Variants in ADARB1 observed in about 807,000 individuals in gnomAD.
The protein encoded by ADARB1 is double-stranded RNA-specific editase 1.
Under a neutral mutation model 52.4 loss-of-function variants are expected in ADARB1, and 10 were observed. That is an observed-to-expected ratio of 0.19 (90% CI 0.12 to 0.32). The LOEUF is 0.32. ADARB1 is among the 10% of genes least tolerant of loss of function. The pLI is 1.00. For synonymous variants in ADARB1, 349 were observed against 371.1 expected (o/e 0.94, Z 0.68); for missense variants, 643 against 922.3 (o/e 0.70, Z 3.92).
chr21:45,196,424 A>C (rs2092427452), intron 8 of ADARB1, among the ~76,000 whole-genome samples: 1 of 152,240 alleles, frequency 6.6e-6, no homozygotes, highest in African/African-American at 2.4e-5. Flanking sequence ...AACAGGAGAT[A>C]ATGTTTGTGA....
At chr21:45,136,575 G>A (rs1376028641) in intron 2 of ADARB1, among the ~76,000 whole-genome samples, 2 of 152,246 alleles carry the variant, frequency 1.3e-5, no homozygotes, top group Non-Finnish European at 2.9e-5. Context: ...AGCCCCTGTG[G>A]GGAGGCACTG....
intron 1 of ADARB1, among the ~76,000 whole-genome samples, chr21:45,104,026 T>A (rs2087139969): frequency 6.6e-6 from 1 of 152,174 alleles, no homozygotes; most frequent in African/African-American, 2.4e-5. Context: ...CAGGGGTCAG[T>A]GACGGTTGAT....
At chr21:45,121,139 G>A (rs2088156491) in intron 1 of ADARB1, among the ~76,000 whole-genome samples, 1 of 152,090 alleles carries the variant, frequency 6.6e-6, no homozygotes, top group Non-Finnish European at 1.5e-5. Flanking sequence ...AACGAGTGGG[G>A]GATGTTCCCT....
chr21:45,201,891 A>C (rs923060524), intron 8 of ADARB1, among the ~76,000 whole-genome samples: 14 of 152,048 alleles, frequency 9.2e-5, no homozygotes, highest in African/African-American at 2.9e-4. Flanking sequence ...ACAGGGACCT[A>C]AAGTGGGGGC....
intron 9 of ADARB1, among the ~76,000 whole-genome samples, chr21:45,219,608 A>C (rs896463325): frequency 1.3e-5 from 2 of 152,124 alleles, no homozygotes; most frequent in African/African-American, 4.8e-5. Flanking sequence ...TTCCTTAAGC[A>C]TGCCCCTTAA....
intron 2 of ADARB1, among the ~76,000 whole-genome samples, chr21:45,139,626 C>T (rs761676359): frequency 6.6e-6 from 1 of 152,160 alleles, no homozygotes; most frequent in Non-Finnish European, 1.5e-5. Context: ...GCCTGTCGGG[C>T]GCAGCGAGCG....
chr21:45,141,195 CA>C (rs945797983), intron 2 of ADARB1, among the ~76,000 whole-genome samples: 5 of 147,496 alleles, frequency 3.4e-5, no homozygotes, highest in East Asian at 2.0e-4. Flanking sequence ...GACCCTGTCT[CA>C]AAAAAAAAAG....
In ADARB1 at chr21:45,176,285, A is replaced by G. The variant is rs769409236; in HGVS notation, c.584A>G (p.Asn195Ser). 9.3e-6 allele frequency: 15 copies of G among 1,614,070 alleles called. No homozygotes were observed. The South Asian group carries it at 9.9e-5, about 11-fold the overall frequency. ...KAEPPFYVGSNGDDSFSSSGD... is the reference protein window; with the variant it reads ...KAEPPFYVGSSGDDSFSSSGD... Reference sequence around the variant, plus strand: ...GAGCCTCCCTTTTACGTGGGCTCCAATGGGGATGACTCCTTCAGTTCCAGC... The same window carrying G: ...GAGCCTCCCTTTTACGTGGGCTCCAGTGGGGATGACTCCTTCAGTTCCAGC... The change falls in exon 4 of 11, where the codon AAT becomes AGT. Residue 195 changes from asparagine (N) to serine (S), a missense_variant. By Grantham distance (46) the Asn-to-Ser change is conservative. This residue lies in a region of ADARB1 where 380 missense variants were observed against 446.5 expected (regional missense o/e 0.85). Coordinates refer to ENST00000348831, the MANE Select transcript of ADARB1 (RefSeq NM_001112.4). This position sits in a 1 kb window ranked among gnomAD's most constrained non-coding sequence, Gnocchi z 5.8.
intron 2 of ADARB1, among the ~76,000 whole-genome samples, chr21:45,158,275 C>G (rs1309482312): frequency 1.3e-5 from 2 of 152,172 alleles, no homozygotes; most frequent in Non-Finnish European, 2.9e-5. Flanking sequence ...CCATTGTTCT[C>G]TCAGCCACTG....
At chr21:45,121,576 A>G (rs983534912) in intron 1 of ADARB1, among the ~76,000 whole-genome samples, 1 of 151,996 alleles carries the variant, frequency 6.6e-6, no homozygotes, top group Non-Finnish European at 1.5e-5. Context: ...GAGAGCTCCC[A>G]TGCTTTTGGT....
Position 45,175,010 on chromosome 21 carries a change from TAGTC to T in ADARB1, c.29-717_29-714del, listed in dbSNP as rs563354680. Among the ~76,000 whole-genome samples, 305 of 152,306 alleles carry T rather than the reference TAGTC, an allele frequency of 2.0e-3. 1 individual carries two copies. The highest frequency in any genetic ancestry group is 6.4e-3 in the African/African-American group (268 of 41,566). The stretch of plus-strand genomic sequence containing the variant: ...TGGAACGATATTAAGGATTCAGACT[TAGTC>T]AGCCCCCATATATAATATTCTCATT... On this transcript the variant is annotated intron_variant, in intron 3 of 10. Transcript: ENST00000348831.
At chr21:45,160,577 T>C (rs1285849796) in intron 2 of ADARB1, among the ~76,000 whole-genome samples, 2 of 152,294 alleles carry the variant, frequency 1.3e-5, no homozygotes, top group African/African-American at 4.8e-5. Flanking sequence ...CAGTGCTAAA[T>C]ATTGTTAATT....
At chr21:45,166,647 G>C (rs1195861564) in intron 2 of ADARB1, among the ~76,000 whole-genome samples, 1 of 152,184 alleles carries the variant, frequency 6.6e-6, no homozygotes. Flanking sequence ...GAGTTTTCCT[G>C]AGTATTTGAG....
chr21:45,224,361 A>C lies in ADARB1; in HGVS notation c.*2164A>C, dbSNP rs2093018900. On this transcript the variant is annotated 3_prime_UTR_variant, in exon 11 of 11. Transcript: ENST00000348831. ...CTCACCTTGTGGGGCCTGAGCAGCT[A>C]CCTTGAGACCATGTGAGGTGGCACC... The C allele has an allele frequency of 1.0e-6, 1 of 985,338 alleles. No homozygotes were observed. The highest frequency in any genetic ancestry group is 1.2e-6 in the Non-Finnish European group (1 of 830,066). 61.0% of individuals were successfully genotyped at this position (985,338 alleles called of 1,614,324 possible).
At chr21:45,092,968 G>C (rs1057034295) in intron 1 of ADARB1, among the ~76,000 whole-genome samples, 1 of 151,668 alleles carries the variant, frequency 6.6e-6, no homozygotes, top group Non-Finnish European at 1.5e-5. Context: ...ATTTTCTAAA[G>C]TCGAGGCTAT....
intron 7 of ADARB1, chr21:45,184,326 G>C (rs1010543878): frequency 1.3e-5 from 2 of 156,782 alleles, no homozygotes; most frequent in African/African-American, 4.8e-5. Context: ...TTGCTTCAGT[G>C]CATTTTTAAT....
At position 45,224,264 on chromosome 21, in the gene ADARB1, CTTTTCCCTTCTGTCAGG is replaced by C. The variant is rs982559605; in HGVS notation, c.*2069_*2085del. 20 of 985,474 alleles carry C rather than the reference CTTTTCCCTTCTGTCAGG, an allele frequency of 2.0e-5. No homozygotes were observed. The Middle Eastern group carries it at 2.1e-3, about 103-fold the overall frequency. 61.0% of individuals were successfully genotyped at this position (985,474 alleles called of 1,614,324 possible). A position where few individuals can be genotyped will look rare whatever the true frequency, so the allele number is the denominator to read the frequency against. ...ATACAAAACTACCCGGTATGTCTGG[CTTTTCCCTTCTGTCAGG>C]TAATAGCTAAAGTCAGCATGATTGC... On this transcript the variant is annotated 3_prime_UTR_variant, in exon 11 of 11. Coordinates refer to ENST00000348831, the MANE Select transcript of ADARB1 (RefSeq NM_001112.4).
At chr21:45,189,183 G>A (rs188828075) in intron 8 of ADARB1, among the ~76,000 whole-genome samples, 9 of 152,190 alleles carry the variant, frequency 5.9e-5, no homozygotes, top group South Asian at 4.1e-4. Flanking sequence ...CATATCTATA[G>A]GATTCTCATT....
rs149744673 is a variant in ADARB1 at position 45,196,819 on chromosome 21, C to A, written c.1566-7736C>A. Reference sequence around the variant, plus strand: ...GCTGAAATTAAAAAGACTGGCCAAACCAAATGTTGACAGTGATATGGAGGA... The same window carrying A: ...GCTGAAATTAAAAAGACTGGCCAAAACAAATGTTGACAGTGATATGGAGGA... On this transcript the variant is annotated intron_variant, in intron 8 of 10. Transcript: ENST00000348831. Among the ~76,000 whole-genome samples the A allele has an allele frequency of 1.6e-4, 24 of 152,290 alleles. No homozygotes were observed. The East Asian group carries it at 4.2e-3, about 27-fold the overall frequency.
Sources: allele counts gnomAD v4.1 joint callset (sites outside exome capture counted in the v4.1 genomes callset), GRCh38; gene constraint gnomAD v4.1.1; regional missense constraint gnomAD v4.1.1; non-coding constraint Gnocchi (gnomAD v3.1); transcripts MANE v1.5; gene names NCBI Gene and HGNC (gene_info 2026-07-23, HGNC 2026-07-21).